Variants in ZZEF1 observed in about 807,000 individuals in gnomAD.
ZZEF1 encodes the protein zinc finger ZZ-type and EF-hand domain-containing protein 1.
In ZZEF1, 157 loss-of-function variants were observed where a neutral mutation model predicts 342.8. The observed-to-expected ratio is 0.46, with a 90% CI of 0.40 to 0.52. The LOEUF (loss-of-function observed/expected upper bound fraction) is 0.52, where lower values mean the gene tolerates loss of function less well. ZZEF1 is among the 20% of genes least tolerant of loss of function. The probability of loss-of-function intolerance (pLI) is 0.00; values close to 1 mark genes in which losing one functional copy is unlikely to be tolerated. For missense variants in ZZEF1, 3,480 were observed against 3,725.6 expected (o/e 0.93, Z 1.72); for synonymous variants, 1,505 against 1,429.1 (o/e 1.05, Z -1.20).
intron 1 of ZZEF1, among the ~76,000 whole-genome samples, chr17:4,137,363 C>T (rs1446496422): frequency 6.6e-6 from 1 of 152,200 alleles, no homozygotes. Flanking sequence ...GTAATCCCAG[C>T]ACTTTGGGAG....
At chr17:4,090,952 GCTGA>G in intron 11 of ZZEF1, 122 bp from the exon 12 acceptor site, 1 of 716,884 alleles carries the variant, frequency 1.4e-6, no homozygotes. Flanking sequence ...ACAATCGAGA[GCTGA>G]CTATGGTACA....
chr17:4,025,622 C>T (rs538841329), intron 42 of ZZEF1, among the ~76,000 whole-genome samples: 5 of 150,508 alleles, frequency 3.3e-5, no homozygotes, highest in African/African-American at 4.9e-5. Flanking sequence ...GTGGAGGCTG[C>T]GGTGAGCCAA....
In ZZEF1 at chr17:4,117,058, G is replaced by T. The variant is rs775168440; in HGVS notation, c.608C>A (p.Pro203Gln). Residue 203 changes from proline to glutamine, a missense_variant, in exon 3 of 55, where the codon CCG (proline) becomes CAG (glutamine). This residue lies in a region of ZZEF1 where 416 missense variants were observed against 374.2 expected (regional missense o/e 1.11). Transcript: ENST00000381638. ...CATGTTATTGCAGTGCTCCAGCATC[G>T]GGTAGGGCATCACCGCGCTGGAGAG... ...NRLSSAVMPY[P>Q]MLEHCNNMCT... is the part of the protein sequence containing the mutation. The T allele has an allele frequency of 6.2e-7, 1 of 1,613,994 alleles. No individual in the cohort carries two copies. The highest frequency in any genetic ancestry group is 1.3e-5 in the African/African-American group (1 of 74,930).
chr17:4,085,572 G>A (rs1597869135), intron 16 of ZZEF1, 98 bp downstream of exon 16: 1 of 1,448,142 alleles, frequency 6.9e-7, no homozygotes, highest in South Asian at 1.3e-5. Flanking sequence ...ACACATCTGG[G>A]ACGTTGCAAC....
At position 4,111,623 on chromosome 17, in the gene ZZEF1, C is replaced by T. The variant is rs1398261494; in HGVS notation, c.1066+986G>A. ...GCAGTGAGCTGAGACTGCACCACTG[C>T]ACTCCAGCCCAGGCGACAATGCGAG... On this transcript the variant is annotated intron_variant, in intron 5 of 54. Coordinates refer to ENST00000381638, the MANE Select transcript of ZZEF1 (RefSeq NM_015113.4). Among the ~76,000 whole-genome samples, 3 of 144,564 alleles carry T rather than the reference C, an allele frequency of 2.1e-5. No individual in the cohort carries two copies. The East Asian group carries it at 5.9e-4, about 29-fold the overall frequency. 94.8% of individuals were successfully genotyped at this position (144,564 alleles called of 152,430 possible). A position where few individuals can be genotyped will look rare whatever the true frequency, so the allele number is the denominator to read the frequency against.
At chr17:4,069,962 A>G (rs1225473355) in intron 26 of ZZEF1, among the ~76,000 whole-genome samples, 2 of 152,242 alleles carry the variant, frequency 1.3e-5, no homozygotes, top group African/African-American at 4.8e-5. Flanking sequence ...TAGGAAGCCC[A>G]TGCCTTATCT....
In ZZEF1 at chr17:4,028,091, C is replaced by G. The variant is rs561885151; in HGVS notation, c.6893-2973G>C. On this transcript the variant is annotated intron_variant, in intron 42 of 54. Transcript: ENST00000381638. ...CTTAAATGTTGTTCTAGGGTTTACA[C>G]TGAACGCCTTTAACTTATCATAGTC... 5.3e-5 allele frequency among the ~76,000 whole-genome samples: 8 copies of G among 152,294 alleles called. No homozygotes were observed. In the South Asian group the frequency reaches 1.7e-3, roughly 32 times the overall value.
chr17:4,022,787 G>T lies in ZZEF1; in HGVS notation c.7134C>A (p.Thr2378=), dbSNP rs72827323. Residue 2378 remains threonine, a synonymous_variant, in exon 44 of 55, where the codon ACC becomes ACA. Coordinates refer to ENST00000381638, the MANE Select transcript of ZZEF1 (RefSeq NM_015113.4). Reference sequence around the variant, plus strand: ...TTTTCACCAGCAACTTCAGCAAATCGGTCTGAAGGAAAGTAGCACGGATCT... The same window carrying T: ...TTTTCACCAGCAACTTCAGCAAATCTGTCTGAAGGAAAGTAGCACGGATCT... ...FEEIRATFLQ[T]DLLKLLVKKC... 6.2e-7 allele frequency: 1 copy of T among 1,613,746 alleles called. No homozygotes were observed. The highest frequency in any genetic ancestry group is 1.7e-5 in the Admixed American group (1 of 59,966).
At position 4,078,016 on chromosome 17, in the gene ZZEF1, G is replaced by GGCCC; in HGVS notation, c.2852_2855dup (p.Pro953GlyfsTer44). The stretch of plus-strand genomic sequence containing the variant: ...AGAGCACAGAGCCCACCTCCCCTGG[G>GGCCC]GCCCCACTGAGCATTAACAGCTCGC... On this transcript the variant is annotated frameshift_variant, in exon 19 of 55. Coordinates refer to ENST00000381638, the MANE Select transcript of ZZEF1 (RefSeq NM_015113.4). LOFTEE classifies it high-confidence loss of function. The GGCCC allele has an allele frequency of 6.2e-7, 1 of 1,613,968 alleles. No individual in the cohort carries two copies. Among genetic ancestry groups the GGCCC allele is most frequent in the Non-Finnish European group, 8.5e-7 (1 of 1,179,994 alleles).
In ZZEF1 at chr17:4,142,550, A is replaced by G. The variant is rs1351558729; in HGVS notation, c.346T>C (p.Phe116Leu). 1.9e-6 allele frequency: 3 copies of G among 1,597,112 alleles called. No homozygotes were observed. Among genetic ancestry groups the G allele is most frequent in the African/African-American group, 1.3e-5 (1 of 74,394 alleles). ...CGCCTGCCGGCCCTGACCTCCTCGA[A>G]CTGCTCGCTAGAGCAGCCGGCGCCG... ...ARGAGCSSEQ[F>L]EEAFAQFDAE... is the part of the protein sequence containing the mutation. Residue 116 changes from phenylalanine to leucine, a missense_variant, in exon 1 of 55, where the codon TTC becomes CTC. Phe to Leu is a conservative substitution (Grantham distance 22, BLOSUM62 0). Coordinates refer to ENST00000381638, the MANE Select transcript of ZZEF1 (RefSeq NM_015113.4).
chr17:4,033,719 T>G, intron 40 of ZZEF1: 1 of 378,296 alleles, frequency 2.6e-6, no homozygotes, highest in East Asian at 4.6e-5. Context: ...ACAGATTTAT[T>G]TGCTTCAACC....
intron 28 of ZZEF1, among the ~76,000 whole-genome samples, chr17:4,065,885 C>T (rs1012713094): frequency 6.6e-6 from 1 of 152,060 alleles, no homozygotes; most frequent in Non-Finnish European, 1.5e-5. Flanking sequence ...AATCCCAGCA[C>T]TTTGGGAGGC....
intron 24 of ZZEF1, among the ~76,000 whole-genome samples, chr17:4,073,544 TC>T (rs1405080161): frequency 6.6e-6 from 1 of 152,178 alleles, no homozygotes; most frequent in African/African-American, 2.4e-5. Context: ...CAAGTGATCC[TC>T]CTGCCTCAGC....
At chr17:4,104,522 T>C (rs2058178162) in intron 8 of ZZEF1, 111 bp downstream of exon 8, 1 of 1,227,860 alleles carries the variant, frequency 8.1e-7, no homozygotes, top group Non-Finnish European at 1.1e-6. Context: ...ATGGTGTAAC[T>C]ATAACAACCC....
At chr17:4,010,443 G>C (rs555304336) in intron 52 of ZZEF1, among the ~76,000 whole-genome samples, 1 of 151,728 alleles carries the variant, frequency 6.6e-6, no homozygotes, top group African/African-American at 2.4e-5. Flanking sequence ...AGATGTGGCC[G>C]GGCGCGGTAG....
intron 28 of ZZEF1, 26 bp from the exon 29 acceptor site, chr17:4,064,855 G>GA (rs71383514): frequency 0.36 from 359,429 of 1,006,098 alleles, 24,231 homozygotes; most frequent in African/African-American, 0.52. Context: ...AATCATAATT[G>GA]AAAAAAAAAA....
rs775535954 is a variant in ZZEF1 at position 4,014,442 on chromosome 17, C to T, written c.8219G>A (p.Cys2740Tyr). The T allele has an allele frequency of 6.2e-7, 1 of 1,614,230 alleles. No individual in the cohort carries two copies. Among genetic ancestry groups the T allele is most frequent in the Non-Finnish European group, 8.5e-7 (1 of 1,180,032 alleles). ...FDSQCNTEEGCDELAMSSSSD... is the reference protein window; with the variant it reads ...FDSQCNTEEGYDELAMSSSSD... The stretch of plus-strand genomic sequence containing the variant: ...GCTGCTGGACATGGCTAACTCGTCA[C>T]AGCCCTCCTCTGTGTTGCACTGAGA... Residue 2740 changes from cysteine to tyrosine, a missense_variant, in exon 50 of 55, where the codon TGT becomes TAT. Cys to Tyr is a radical substitution (Grantham distance 194). Around this residue, in one of 5 missense-constraint regions of ZZEF1, gnomAD observed 1,269 missense variants for 1,342.4 expected, o/e 0.95. Coordinates refer to ENST00000381638, the MANE Select transcript of ZZEF1 (RefSeq NM_015113.4). This position sits in a 1 kb window ranked among gnomAD's most constrained non-coding sequence, Gnocchi z 4.4.
In ZZEF1 at chr17:4,016,275, T is replaced by C; in HGVS notation, c.8145+48A>G. 6.3e-7 allele frequency: 1 copy of C among 1,575,548 alleles called. No individual in the cohort carries two copies. The highest frequency in any genetic ancestry group is 8.6e-7 in the Non-Finnish European group (1 of 1,165,894). Reference sequence around the variant, plus strand: ...GCTGAGCACGGAGGGGCTGACGAGGTCTCTGCGGCTCAGTCGCTCTTATGG... The same window carrying C: ...GCTGAGCACGGAGGGGCTGACGAGGCCTCTGCGGCTCAGTCGCTCTTATGG... On this transcript the variant is annotated intron_variant, in intron 49 of 54. Transcript: ENST00000381638. The surrounding 1 kb of genome is among the most constrained non-coding windows in gnomAD (Gnocchi z 4.4).
chr17:4,027,634 C>A (rs1359543040), intron 42 of ZZEF1, among the ~76,000 whole-genome samples: 1 of 142,444 alleles, frequency 7.0e-6, no homozygotes, highest in African/African-American at 2.6e-5. Flanking sequence ...GGCTCCTGCT[C>A]TGTCACCTAG....
Sources: allele counts gnomAD v4.1 joint callset (sites outside exome capture counted in the v4.1 genomes callset), GRCh38; gene constraint gnomAD v4.1.1; regional missense constraint gnomAD v4.1.1; non-coding constraint Gnocchi (gnomAD v3.1); transcripts MANE v1.5; gene names NCBI Gene and HGNC (gene_info 2026-07-23, HGNC 2026-07-21).